Variants in PDE10A observed in about 807,000 individuals in gnomAD.
PDE10A encodes the protein cAMP and cAMP-inhibited cGMP 3',5'-cyclic phosphodiesterase 10A.
Under a neutral mutation model 97.7 loss-of-function variants are expected in PDE10A, and 39 were observed. That is an observed-to-expected ratio of 0.40 (90% CI 0.31 to 0.52). The LOEUF is 0.52. Among genes scored for constraint, PDE10A ranks in the 20% least tolerant of loss-of-function variants. The probability of loss-of-function intolerance (pLI) is 0.56; values close to 1 mark genes in which losing one functional copy is unlikely to be tolerated. For synonymous variants in PDE10A, 371 were observed against 376.8 expected, an observed-to-expected ratio of 0.98 and a Z score of 0.18; for missense variants, 731 against 1,047.8, an observed-to-expected ratio of 0.70 and a Z score of 4.17.
At chr6:165,669,091 C>G (rs1790576064) in intron 1 of PDE10A, among the ~76,000 whole-genome samples, 1 of 152,222 alleles carries the variant, frequency 6.6e-6, no homozygotes, top group East Asian at 1.9e-4. Context: ...ACACAGTCTA[C>G]CCAGTGTCTG....
At chr6:165,334,499 C>T (rs1422181346) in intron 21 of PDE10A, among the ~76,000 whole-genome samples, 2 of 152,256 alleles carry the variant, frequency 1.3e-5, no homozygotes, top group Non-Finnish European at 2.9e-5. Flanking sequence ...ACAGTCAGCA[C>T]TCATGACCTG....
chr6:165,355,731 T>C (rs1028182867), intron 18 of PDE10A, among the ~76,000 whole-genome samples: 1 of 152,130 alleles, frequency 6.6e-6, no homozygotes, highest in Non-Finnish European at 1.5e-5. Context: ...AGTGAACTGC[T>C]AGAACACAGT....
At chr6:165,706,422 A>C (rs1268802609) in intron 1 of PDE10A, among the ~76,000 whole-genome samples, 3 of 152,136 alleles carry the variant, frequency 2.0e-5, no homozygotes, top group East Asian at 3.9e-4. Flanking sequence ...TTGCCATTGT[A>C]AGTCAATCCA....
intron 2 of PDE10A, among the ~76,000 whole-genome samples, chr6:165,491,716 T>C (rs969793984): frequency 4.6e-5 from 7 of 152,052 alleles, no homozygotes; most frequent in African/African-American, 1.7e-4. Context: ...AAAGTGGTAC[T>C]AAGAGAAAAG....
At chr6:165,929,260 T>G (rs1236843793) in intron 1 of PDE10A, among the ~76,000 whole-genome samples, 2 of 151,990 alleles carry the variant, frequency 1.3e-5, no homozygotes, top group Non-Finnish European at 2.9e-5. Flanking sequence ...AGTCCTCGAG[T>G]GCAGGTCAGA....
intron 2 of PDE10A, among the ~76,000 whole-genome samples, chr6:165,485,462 T>C (rs924500801): frequency 2.7e-5 from 3 of 109,654 alleles, no homozygotes; most frequent in Non-Finnish European, 5.4e-5. Flanking sequence ...AGTGAGACTC[T>C]GTCTCAAAAA....
At chr6:165,781,325 T>TA (rs1778335939) in intron 1 of PDE10A, 1 of 152,208 alleles carries the variant, frequency 6.6e-6, no homozygotes, top group Non-Finnish European at 1.5e-5. Context: ...GGTATTCTGT[T>TA]ACGGCCACAC....
chr6:165,946,894 G>A (rs1183741956), intron 1 of PDE10A: 1 of 151,928 alleles, frequency 6.6e-6, no homozygotes, highest in Non-Finnish European at 1.5e-5. Flanking sequence ...GACTTTTTAC[G>A]TATAATTTTA....
intron 2 of PDE10A, among the ~76,000 whole-genome samples, chr6:165,513,214 TTATGA>T (rs1352477052): frequency 6.6e-6 from 1 of 152,062 alleles, no homozygotes; most frequent in African/African-American, 2.4e-5. Context: ...TTAATGTAGC[TTATGA>T]TATGACAGAA....
At chr6:165,764,864 T>C (rs1054026996) in intron 1 of PDE10A, among the ~76,000 whole-genome samples, 32 of 152,200 alleles carry the variant, frequency 2.1e-4, no homozygotes, top group Non-Finnish European at 3.7e-4. Flanking sequence ...CCTGCTTTTA[T>C]TCTCTTATCT....
At chr6:165,716,315 C>A (rs1792025690) in intron 1 of PDE10A, among the ~76,000 whole-genome samples, 2 of 152,242 alleles carry the variant, frequency 1.3e-5, no homozygotes, top group Non-Finnish European at 2.9e-5. Flanking sequence ...CTCGCCCATG[C>A]ATACTGCAGG....
intron 1 of PDE10A, among the ~76,000 whole-genome samples, chr6:165,650,648 T>C (rs1340936172): frequency 6.6e-6 from 1 of 152,272 alleles, no homozygotes; most frequent in Non-Finnish European, 1.5e-5. Context: ...CAATGTCCTA[T>C]TTCAAACAAT....
intron 13 of PDE10A, among the ~76,000 whole-genome samples, chr6:165,399,868 T>C (rs1412165820): frequency 1.3e-5 from 2 of 152,230 alleles, no homozygotes; most frequent in Non-Finnish European, 2.9e-5. Context: ...CTATTGTTAA[T>C]AGTGCCGCAA....
intron 1 of PDE10A, among the ~76,000 whole-genome samples, chr6:165,857,285 A>G (rs1754111291): frequency 1.3e-5 from 2 of 152,156 alleles, no homozygotes; most frequent in Admixed American, 1.3e-4. Flanking sequence ...CCGGACCTGA[A>G]CCCCAGGAGG....
intron 1 of PDE10A, among the ~76,000 whole-genome samples, chr6:165,681,917 T>G (rs1790988078): frequency 6.6e-6 from 1 of 152,174 alleles, no homozygotes; most frequent in Non-Finnish European, 1.5e-5. Context: ...TGAGTTTAAT[T>G]TTTCTGAAAT....
chr6:165,794,172 ACTCC>A (rs1160429494), intron 1 of PDE10A, among the ~76,000 whole-genome samples: 39 of 149,096 alleles, frequency 2.6e-4, no homozygotes, highest in African/African-American at 8.4e-4. Flanking sequence ...ACACTCATAC[ACTCC>A]CTCCCACACT....
Position 165,694,579 on chromosome 6 carries a change from C to T in PDE10A, c.-614-151011G>A, listed in dbSNP as rs188203676. Among the ~76,000 whole-genome samples, 1,109 of 152,338 alleles carry T rather than the reference C, an allele frequency of 7.3e-3. 10 individuals are homozygous for T. The highest frequency in any genetic ancestry group is 0.025 in the African/African-American group (1,043 of 41,574). On this transcript the variant is annotated intron_variant, in intron 1 of 19. Transcript: ENST00000366882. ...GCGGTGTCGGGAGACCGGGACTCCC[C>T]CCATCTCTCTGCTACCTGAGCTGAG...
intron 4 of PDE10A, among the ~76,000 whole-genome samples, chr6:165,449,221 C>T (rs1791094647): frequency 6.6e-6 from 1 of 152,160 alleles, no homozygotes; most frequent in Non-Finnish European, 1.5e-5. Context: ...ATATAGCAGT[C>T]AACGTACCAC....
At chr6:165,891,876 AC>A (rs1781809405) in intron 1 of PDE10A, among the ~76,000 whole-genome samples, 1 of 151,804 alleles carries the variant, frequency 6.6e-6, no homozygotes, top group Admixed American at 6.6e-5. Context: ...GTTATTAATA[AC>A]CTTCGTGATC....
Sources: allele counts gnomAD v4.1 joint callset (sites outside exome capture counted in the v4.1 genomes callset), GRCh38; gene constraint gnomAD v4.1.1; transcripts MANE v1.5; gene names NCBI Gene and HGNC (gene_info 2026-07-23, HGNC 2026-07-21).